MAOA: variants seen among roughly 807,000 people sequenced by gnomAD.
MAOA encodes the protein monoamine oxidase A.
A neutral mutation model predicts 42.0 loss-of-function variants in MAOA; 6 were observed. The ratio of observed to expected loss-of-function variants is 0.14; its 90% CI spans 0.08 to 0.28. The LOEUF is 0.28. MAOA is among the 10% of genes least tolerant of loss of function. The probability of loss-of-function intolerance (pLI) is 1.00; values close to 1 mark genes in which losing one functional copy is unlikely to be tolerated. For synonymous variants in MAOA, 140 were observed against 154.0 expected, an observed-to-expected ratio of 0.91 and a Z score of 0.67; for missense variants, 262 against 422.3, an observed-to-expected ratio of 0.62 and a Z score of 3.33.
intron 6 of MAOA, among the ~76,000 whole-genome samples, chrX:43,730,064 C>G: frequency 9.2e-6 from 1 of 108,779 alleles, no homozygotes; most frequent in Non-Finnish European, 1.9e-5. Flanking sequence ...TGTCATGGCA[C>G]GCACCTGTAA....
At chrX:43,713,002 AAGT>A (rs2033711609) in intron 5 of MAOA, among the ~76,000 whole-genome samples, 1 of 112,509 alleles carries the variant, frequency 8.9e-6, no homozygotes, top group Non-Finnish European at 1.9e-5. Context: ...TGGGTGAATG[AAGT>A]AGAACTTCTT....
chrX:43,656,518 A>G, intron 1 of MAOA, 104 bp downstream of exon 1: 1 of 743,917 alleles, frequency 1.3e-6, no homozygotes, highest in South Asian at 2.2e-5. Context: ...TGCATGCGAG[A>G]GTGTAGTGTA....
intron 6 of MAOA, among the ~76,000 whole-genome samples, chrX:43,729,508 C>T (rs888400190): frequency 5.4e-5 from 6 of 111,995 alleles, no homozygotes; most frequent in African/African-American, 1.6e-4. Context: ...AGAAACAGTT[C>T]GTGGTCTTTC....
At chrX:43,698,370 C>T (rs2033597257) in intron 3 of MAOA, among the ~76,000 whole-genome samples, 1 of 112,119 alleles carries the variant, frequency 8.9e-6, no homozygotes, top group South Asian at 3.7e-4. Flanking sequence ...GCCTGAGCCT[C>T]TCAGATGGAT....
intron 5 of MAOA, among the ~76,000 whole-genome samples, chrX:43,715,146 AG>A (rs1381557322): frequency 9.1e-6 from 1 of 109,580 alleles, no homozygotes; most frequent in Non-Finnish European, 1.9e-5. Context: ...GGAATTTTCC[AG>A]GAATGGTCCA....
chrX:43,661,455 G>A (rs1601922933), intron 1 of MAOA, among the ~76,000 whole-genome samples: 1 of 111,580 alleles, frequency 9.0e-6, no homozygotes. Flanking sequence ...AACAGGTAGA[G>A]ATAAGAGGAT....
intron 2 of MAOA, among the ~76,000 whole-genome samples, chrX:43,686,634 A>T (rs2033490101): frequency 9.0e-6 from 1 of 111,002 alleles, no homozygotes; most frequent in Non-Finnish European, 1.9e-5. Flanking sequence ...CCCCATCTCT[A>T]CTAAAAATAC....
At chrX:43,694,955 A>C (rs1251183411) in intron 3 of MAOA, among the ~76,000 whole-genome samples, 1 of 112,052 alleles carries the variant, frequency 8.9e-6, no homozygotes, top group African/African-American at 3.2e-5. Flanking sequence ...ACAACAACTA[A>C]AAGCTTTTTA....
intron 1 of MAOA, among the ~76,000 whole-genome samples, chrX:43,677,140 G>A (rs759129137): frequency 8.9e-6 from 1 of 111,926 alleles, no homozygotes; most frequent in Admixed American, 9.5e-5. Flanking sequence ...GGCTAAGTGT[G>A]GAAGCTAGGT....
intron 3 of MAOA, among the ~76,000 whole-genome samples, chrX:43,710,309 A>G (rs2033690332): frequency 8.9e-6 from 1 of 112,674 alleles, no homozygotes; most frequent in African/African-American, 3.2e-5. Flanking sequence ...TAACATTTTC[A>G]GATAAGAAAC....
chrX:43,674,707 G>T lies in MAOA; in HGVS notation c.74-8806G>T, dbSNP rs754163348. Reference sequence around the variant, plus strand: ...ATTTTATTTCTCCTTCACTTATGAAGCTTAGTTTGGCTGGATATGAAATTC... The same window carrying T: ...ATTTTATTTCTCCTTCACTTATGAATCTTAGTTTGGCTGGATATGAAATTC... On this transcript the variant is annotated intron_variant, in intron 1 of 14. Coordinates refer to ENST00000338702, the MANE Select transcript of MAOA (RefSeq NM_000240.4). Among the ~76,000 whole-genome samples the T allele has an allele frequency of 9.2e-3, 1,017 of 110,807 alleles. 14 individuals are homozygous for T. Among genetic ancestry groups the T allele is most frequent in the African/African-American group, 0.032 (963 of 30,374 alleles).
intron 3 of MAOA, among the ~76,000 whole-genome samples, chrX:43,704,819 T>C (rs1310493383): frequency 9.0e-6 from 1 of 111,558 alleles, no homozygotes; most frequent in Non-Finnish European, 1.9e-5. Context: ...ACAGTAGCAA[T>C]GAACAATCTG....
intron 5 of MAOA, among the ~76,000 whole-genome samples, chrX:43,713,470 A>G (rs1473472247): frequency 2.7e-5 from 3 of 111,708 alleles, no homozygotes; most frequent in Non-Finnish European, 5.6e-5. Context: ...TGTACTCCGG[A>G]ATTTAAAATA....
intron 1 of MAOA, among the ~76,000 whole-genome samples, chrX:43,676,862 A>G (rs1569191290): frequency 9.1e-6 from 1 of 110,236 alleles, no homozygotes; most frequent in African/African-American, 3.3e-5. Context: ...ACAGAGTGTG[A>G]CAGATGACTA....
At chrX:43,666,475 C>A (rs971240128) in intron 1 of MAOA, among the ~76,000 whole-genome samples, 7 of 110,858 alleles carry the variant, frequency 6.3e-5, no homozygotes, top group African/African-American at 2.3e-4. Context: ...TCACGGCTTC[C>A]CACAACAACT....
intron 1 of MAOA, among the ~76,000 whole-genome samples, chrX:43,681,880 A>ATATATATATAT (rs1337382916): frequency 2.3e-5 from 2 of 87,585 alleles, no homozygotes; most frequent in African/African-American, 8.5e-5. Flanking sequence ...ATATATATAT[A>ATATATATATAT]TTTTTTTTTT....
chrX:43,663,277 C>T (rs1569188296), intron 1 of MAOA, among the ~76,000 whole-genome samples: 1 of 111,518 alleles, frequency 9.0e-6, no homozygotes, highest in African/African-American at 3.3e-5. Flanking sequence ...TCACACTTTC[C>T]CCATGGCTTC....
intron 10 of MAOA, among the ~76,000 whole-genome samples, chrX:43,739,732 G>A (rs1174600243): frequency 8.9e-5 from 10 of 111,870 alleles, no homozygotes; most frequent in Non-Finnish European, 1.9e-4. Flanking sequence ...CCAGTTGCTT[G>A]TTATCCCTTA....
chrX:43,679,465 A>T (rs528828701), intron 1 of MAOA, among the ~76,000 whole-genome samples: 1 of 110,478 alleles, frequency 9.1e-6, no homozygotes, highest in South Asian at 3.9e-4. Context: ...CACTTGGAAT[A>T]TGGAGATAAT....
Sources: gnomAD v4.1 joint callset for allele counts (sites outside exome capture counted in the v4.1 genomes callset) on GRCh38, gnomAD v4.1.1 for gene constraint, MANE v1.5 for transcripts, NCBI Gene and HGNC (gene_info 2026-07-23, HGNC 2026-07-21) for gene names.